Variants in CNTNAP5 observed in about 807,000 individuals in gnomAD.
The protein encoded by CNTNAP5 is contactin-associated protein-like 5.
In CNTNAP5, 72 loss-of-function variants were observed where a neutral mutation model predicts 150.2. The ratio of observed to expected loss-of-function variants is 0.48; its 90% CI spans 0.40 to 0.58. The LOEUF is 0.58. CNTNAP5 is among the 20% of genes least tolerant of loss of function. The pLI, the probability that CNTNAP5 is intolerant of heterozygous loss-of-function variation, is 0.00. For synonymous variants in CNTNAP5, 672 were observed against 619.8 expected (o/e 1.08, Z -1.25); for missense variants, 1,636 against 1,626.2 (o/e 1.01, Z -0.10).
intron 3 of CNTNAP5, among the ~76,000 whole-genome samples, chr2:124,251,058 G>T (rs555482606): frequency 6.6e-6 from 1 of 152,076 alleles, no homozygotes; most frequent in Non-Finnish European, 1.5e-5. Flanking sequence ...TGTGTTTCAC[G>T]TCTCTGACCA....
intron 19 of CNTNAP5, among the ~76,000 whole-genome samples, chr2:124,822,679 A>T (rs1682515582): frequency 6.6e-6 from 1 of 152,206 alleles, no homozygotes; most frequent in South Asian, 2.1e-4. Flanking sequence ...ACTCTGAGTC[A>T]TTTCACTTCA....
chr2:124,870,652 T>C (rs889898562), intron 21 of CNTNAP5, among the ~76,000 whole-genome samples: 1 of 152,140 alleles, frequency 6.6e-6, no homozygotes, highest in Non-Finnish European at 1.5e-5. Context: ...CAGAAAACAT[T>C]AATAACTCAA....
intron 1 of CNTNAP5, among the ~76,000 whole-genome samples, chr2:124,069,862 G>C (rs1240654162): frequency 6.6e-6 from 1 of 152,038 alleles, no homozygotes; most frequent in Non-Finnish European, 1.5e-5. Context: ...AAACTAACTG[G>C]GAATAGTAAG....
rs567491496 is a variant in CNTNAP5 at position 124,476,711 on chromosome 2, C to T, written c.1062+1829C>T. ...GTCCCAGATTGATCTTCCCATATAC[C>T]ACCCTGGCCAGAAACTTGGGCACCT... On this transcript the variant is annotated intron_variant, in intron 7 of 23. Coordinates refer to ENST00000682447, the MANE Select transcript of CNTNAP5 (RefSeq NM_001367498.1). 9.9e-5 allele frequency among the ~76,000 whole-genome samples: 15 copies of T among 152,166 alleles called. No homozygotes were observed. The South Asian group carries it at 3.1e-3, about 32-fold the overall frequency.
chr2:124,064,136 G>A (rs1018250160), intron 1 of CNTNAP5, among the ~76,000 whole-genome samples: 6 of 152,032 alleles, frequency 3.9e-5, no homozygotes, highest in Admixed American at 3.9e-4. Context: ...CGACTTCGAA[G>A]GCCTATTCTT....
chr2:124,894,150 T>G (rs1333438557), intron 21 of CNTNAP5, among the ~76,000 whole-genome samples: 1 of 151,800 alleles, frequency 6.6e-6, no homozygotes, highest in Non-Finnish European at 1.5e-5. Flanking sequence ...TGTTACTTGT[T>G]TTAGAAAGAC....
rs1678447687 is a variant in CNTNAP5 at position 124,903,072 on chromosome 2, T to C, written c.3627T>C (p.Asn1209=). Residue 1209 remains asparagine (N), a synonymous_variant, in exon 22 of 24, where the codon AAT becomes AAC. Transcript: ENST00000682447. ...GCTTCATGGTGGACTCAGATGTGAATGCAGTGACCACGGTGCATTCTTCAT... is the reference window on the plus strand; with the variant it reads ...GCTTCATGGTGGACTCAGATGTGAACGCAGTGACCACGGTGCATTCTTCAT... ...SCGFMVDSDV[N]AVTTVHSSSD... 1.9e-6 allele frequency: 3 copies of C among 1,593,256 alleles called. No individual in the cohort carries two copies. The East Asian group carries it at 6.8e-5, about 36-fold the overall frequency.
intron 10 of CNTNAP5, among the ~76,000 whole-genome samples, chr2:124,546,412 T>A (rs143687054): frequency 1.6e-3 from 237 of 152,104 alleles, no homozygotes; most frequent in African/African-American, 5.2e-3. Flanking sequence ...GCTTATAAAC[T>A]GTGCAAGGGG....
rs182327054 is a variant in CNTNAP5, at chr2:124,429,324, C to A, written c.530-5160C>A. Among the ~76,000 whole-genome samples, 319 of 151,926 alleles carry A rather than the reference C, an allele frequency of 2.1e-3. 3 individuals are homozygous for A. Among genetic ancestry groups the A allele is most frequent in the African/African-American group, 7.2e-3 (299 of 41,408 alleles). On this transcript the variant is annotated intron_variant, in intron 4 of 23. Coordinates refer to ENST00000682447, the MANE Select transcript of CNTNAP5 (RefSeq NM_001367498.1). The stretch of plus-strand genomic sequence containing the variant: ...CTATGTTAGGAGTTGTCACAGTTAG[C>A]TTTGGAAGCTGATTCTAAGTTAATG...
intron 10 of CNTNAP5, among the ~76,000 whole-genome samples, chr2:124,551,173 G>A (rs1292047852): frequency 6.6e-6 from 1 of 152,008 alleles, no homozygotes; most frequent in East Asian, 1.9e-4. Flanking sequence ...GATCACTGAC[G>A]TGCATTGCAA....
At chr2:124,897,705 G>GA (rs1252302630) in intron 21 of CNTNAP5, among the ~76,000 whole-genome samples, 1 of 151,014 alleles carries the variant, frequency 6.6e-6, no homozygotes. Flanking sequence ...TAGCATAATA[G>GA]AAAAAAAAGG....
At chr2:124,431,919 G>T (rs1180348890) in intron 4 of CNTNAP5, among the ~76,000 whole-genome samples, 1 of 151,992 alleles carries the variant, frequency 6.6e-6, no homozygotes, top group Non-Finnish European at 1.5e-5. Context: ...CCTCTCCTTA[G>T]TTTAATGTCT....
rs1008376490 is a variant in CNTNAP5 at position 124,594,991 on chromosome 2, T to C, written c.1757-14810T>C. 6.5e-4 allele frequency among the ~76,000 whole-genome samples: 85 copies of C among 131,194 alleles called. 2 individuals are homozygous for C. Among genetic ancestry groups the C allele is most frequent in the African/African-American group, 2.3e-3 (82 of 35,258 alleles). 86.1% of individuals were successfully genotyped at this position (131,194 alleles called of 152,430 possible). A position where few individuals can be genotyped will look rare whatever the true frequency, so the allele number is the denominator to read the frequency against. On this transcript the variant is annotated intron_variant, in intron 11 of 23. Coordinates refer to ENST00000682447, the MANE Select transcript of CNTNAP5 (RefSeq NM_001367498.1). ...GTGATTTTTGTACATTGATTTTGTATCCTGAGACTTTGCTGAAGTTGCTTA... is the reference window on the plus strand; with the variant it reads ...GTGATTTTTGTACATTGATTTTGTACCCTGAGACTTTGCTGAAGTTGCTTA...
At chr2:124,480,512 C>G (rs957291027) in intron 7 of CNTNAP5, among the ~76,000 whole-genome samples, 11 of 152,158 alleles carry the variant, frequency 7.2e-5, no homozygotes, top group African/African-American at 2.2e-4. Context: ...TTTACATCTG[C>G]AGGTGCACAC....
intron 3 of CNTNAP5, among the ~76,000 whole-genome samples, chr2:124,291,747 G>C (rs539582171): frequency 6.6e-6 from 1 of 151,760 alleles, no homozygotes; most frequent in African/African-American, 2.4e-5. Context: ...TATCAGTCTC[G>C]GTCATACATT....
Position 124,709,192 on chromosome 2 carries a change from C to T in CNTNAP5, c.2078-38037C>T, listed in dbSNP as rs143379671. On this transcript the variant is annotated intron_variant, in intron 13 of 23. Coordinates refer to ENST00000682447, the MANE Select transcript of CNTNAP5 (RefSeq NM_001367498.1). ...ATGTGAGATAACAGTTGAAGAGGAA[C>T]TGCAAGCTTCCTGGGGGAGGGAGGG... 5.1e-3 allele frequency among the ~76,000 whole-genome samples: 770 copies of T among 151,762 alleles called. 3 individuals are homozygous for T. The highest frequency in any genetic ancestry group is 9.5e-3 in the Admixed American group (145 of 15,204).
At chr2:124,593,484 C>T (rs1343170420) in intron 11 of CNTNAP5, among the ~76,000 whole-genome samples, 1 of 91,928 alleles carries the variant, frequency 1.1e-5, no homozygotes, top group Non-Finnish European at 2.1e-5. Context: ...TTTATGGCTG[C>T]CTAGTATTCC....
chr2:124,259,596 C>T (rs1380199095), intron 3 of CNTNAP5, among the ~76,000 whole-genome samples: 1 of 152,178 alleles, frequency 6.6e-6, no homozygotes, highest in African/African-American at 2.4e-5. Flanking sequence ...ATTTGCATTT[C>T]TCTGATGGCC....
chr2:124,558,098 C>G (rs1005963019), intron 10 of CNTNAP5, among the ~76,000 whole-genome samples: 13 of 152,098 alleles, frequency 8.5e-5, no homozygotes, highest in Non-Finnish European at 1.8e-4. Context: ...ATAGGGTCCC[C>G]CTTGCTCTTG....
Sources: allele counts gnomAD v4.1 joint callset (sites outside exome capture counted in the v4.1 genomes callset), GRCh38; gene constraint gnomAD v4.1.1; transcripts MANE v1.5; gene names NCBI Gene and HGNC (gene_info 2026-07-23, HGNC 2026-07-21).